The following ALK variants were observed in gnomAD, a reference collection of about 807,000 sequenced individuals.
ALK encodes ALK receptor tyrosine kinase, also known as ALK tyrosine kinase receptor.
In ALK, 74 loss-of-function variants were observed where a neutral mutation model predicts 163.1. The ratio of observed to expected loss-of-function variants is 0.45; its 90% CI spans 0.38 to 0.55. The LOEUF is 0.55. ALK is among the 20% of genes least tolerant of loss of function. The probability of loss-of-function intolerance (pLI) is 0.00; values close to 1 mark genes in which losing one functional copy is unlikely to be tolerated. For synonymous variants in ALK, 960 were observed against 843.2 expected (o/e 1.14, Z -2.40); for missense variants, 2,063 against 2,105.3 (o/e 0.98, Z 0.39).
At chr2:29,379,167 G>C (rs1258353369) in intron 5 of ALK, among the ~76,000 whole-genome samples, 2 of 152,146 alleles carry the variant, frequency 1.3e-5, no homozygotes, top group Admixed American at 6.5e-5. Context: ...TTTGTGAATG[G>C]GCTAAGGGTT....
chr2:29,587,056 T>C (rs1358330646), intron 3 of ALK, among the ~76,000 whole-genome samples: 1 of 152,190 alleles, frequency 6.6e-6, no homozygotes, highest in Non-Finnish European at 1.5e-5. Flanking sequence ...AACACCTCCC[T>C]ACTCTTGCCT....
intron 10 of ALK, 41 bp from the exon 11 acceptor site, chr2:29,275,268 T>C (rs781260301): frequency 1.9e-6 from 3 of 1,613,588 alleles, no homozygotes. Flanking sequence ...TAGGTGAGGG[T>C]TGATTTCAGG....
At chr2:29,897,015 T>A (rs1667289256) in intron 1 of ALK, among the ~76,000 whole-genome samples, 1 of 152,176 alleles carries the variant, frequency 6.6e-6, no homozygotes, top group Admixed American at 6.5e-5. Context: ...AGATCTACAA[T>A]CCACCTTTAA....
At chr2:29,360,102 C>A (rs1028963391) in intron 5 of ALK, among the ~76,000 whole-genome samples, 3 of 152,152 alleles carry the variant, frequency 2.0e-5, no homozygotes, top group Non-Finnish European at 4.4e-5. Context: ...TCAGGCAGAG[C>A]CTGAGGTGTG....
intron 1 of ALK, among the ~76,000 whole-genome samples, chr2:29,885,701 G>T (rs1380732401): frequency 6.6e-6 from 1 of 152,156 alleles, no homozygotes; most frequent in Non-Finnish European, 1.5e-5. Flanking sequence ...AGTGCCAGAT[G>T]ATGAGGAGGA....
chr2:29,317,233 TTGCTCAGAGGG>T (rs1666856771), intron 8 of ALK, among the ~76,000 whole-genome samples: 1 of 152,216 alleles, frequency 6.6e-6, no homozygotes, highest in Non-Finnish European at 1.5e-5. Flanking sequence ...AGGAAACAAA[TTGCTCAGAGGG>T]TGCATAGCTA....
chr2:29,487,455 A>C (rs953809878), intron 4 of ALK, among the ~76,000 whole-genome samples: 1 of 152,198 alleles, frequency 6.6e-6, no homozygotes, highest in Non-Finnish European at 1.5e-5. Context: ...AAGGTGGTCC[A>C]ACTTTGATAT....
chr2:29,285,507 C>T (rs749481038), intron 9 of ALK, among the ~76,000 whole-genome samples: 4 of 151,630 alleles, frequency 2.6e-5, no homozygotes, highest in Non-Finnish European at 4.4e-5. Context: ...GTTCTGCCCA[C>T]TTTGGCCTCC....
chr2:29,555,199 A>G (rs944873690), intron 3 of ALK, among the ~76,000 whole-genome samples: 21 of 151,796 alleles, frequency 1.4e-4, no homozygotes, highest in Non-Finnish European at 2.9e-4. Context: ...CTGCATGGGG[A>G]CCCCTTTCCT....
In ALK at chr2:29,346,690, T is replaced by C. The variant is rs576181044; in HGVS notation, c.1283-18209A>G. ...GTCCCGTCTTATGCCAGATTTATTG[T>C]GATCCCGGCATGACACAATGCAGAA... On this transcript the variant is annotated intron_variant, in intron 5 of 28. Coordinates refer to ENST00000389048, the MANE Select transcript of ALK (RefSeq NM_004304.5). Among the ~76,000 whole-genome samples the C allele has an allele frequency of 2.0e-5, 3 of 152,384 alleles. No homozygotes were observed. In the East Asian group the frequency reaches 5.8e-4, roughly 29 times the overall value.
intron 4 of ALK, among the ~76,000 whole-genome samples, chr2:29,523,371 T>A (rs1450147231): frequency 1.3e-5 from 2 of 152,200 alleles, no homozygotes; most frequent in Non-Finnish European, 2.9e-5. Context: ...GCCTCATAAC[T>A]GTGTCTGTCG....
intron 5 of ALK, among the ~76,000 whole-genome samples, chr2:29,334,802 T>C (rs1037054763): frequency 1.4e-4 from 21 of 152,258 alleles, no homozygotes; most frequent in African/African-American, 5.1e-4. Flanking sequence ...AAGAGTCAAT[T>C]AGATGGACGC....
intron 4 of ALK, among the ~76,000 whole-genome samples, chr2:29,530,799 C>T (rs1030329571): frequency 5.3e-5 from 8 of 152,182 alleles, no homozygotes; most frequent in African/African-American, 1.9e-4. Flanking sequence ...TAGCTGGGAC[C>T]TTCTCAGCCA....
At chr2:29,471,067 T>A (rs548420567) in intron 4 of ALK, among the ~76,000 whole-genome samples, 105 of 152,242 alleles carry the variant, frequency 6.9e-4, no homozygotes, top group Middle Eastern at 3.4e-3. Flanking sequence ...TATATTTTAA[T>A]GGAATACACA....
At chr2:29,706,060 G>T (rs1006713084) in intron 2 of ALK, among the ~76,000 whole-genome samples, 1 of 152,210 alleles carries the variant, frequency 6.6e-6, no homozygotes, top group Non-Finnish European at 1.5e-5. Flanking sequence ...CTGGGTTCTA[G>T]CTCTGGCTCT....
chr2:29,627,071 T>C (rs1291036733), intron 3 of ALK, among the ~76,000 whole-genome samples: 1 of 152,224 alleles, frequency 6.6e-6, no homozygotes, highest in Non-Finnish European at 1.5e-5. Flanking sequence ...TAGGTAATCA[T>C]GCCCATCATC....
At chr2:29,605,958 C>T (rs919630281) in intron 3 of ALK, among the ~76,000 whole-genome samples, 3 of 76,332 alleles carry the variant, frequency 3.9e-5, no homozygotes, top group African/African-American at 2.1e-4. Context: ...GGTTCCATCC[C>T]TTGGGTCCCA....
At chr2:29,878,575 T>C (rs1666780655) in intron 1 of ALK, among the ~76,000 whole-genome samples, 2 of 152,198 alleles carry the variant, frequency 1.3e-5, no homozygotes, top group South Asian at 4.1e-4. Context: ...TAAAACAACT[T>C]CCCCTAGCTC....
chr2:29,216,994 G>C (rs111163382), intron 23 of ALK, among the ~76,000 whole-genome samples: 2 of 144,496 alleles, frequency 1.4e-5, no homozygotes, highest in South Asian at 2.3e-4. Flanking sequence ...TGGCATGTGA[G>C]GTGTGTGTGG....
Sources: allele counts gnomAD v4.1 joint callset (sites outside exome capture counted in the v4.1 genomes callset), GRCh38; gene constraint gnomAD v4.1.1; transcripts MANE v1.5; gene names NCBI Gene and HGNC (gene_info 2026-07-23, HGNC 2026-07-21).